SMC2: variants seen among roughly 807,000 people sequenced by gnomAD.
The protein encoded by SMC2 is structural maintenance of chromosomes protein 2.
Under a neutral mutation model 142.6 loss-of-function variants are expected in SMC2, and 41 were observed. The observed-to-expected ratio is 0.29, with a 90% CI of 0.22 to 0.37. The LOEUF is 0.37. SMC2 is among the 10% of genes least tolerant of loss of function. The pLI is 1.00. For missense variants in SMC2, 1,265 were observed against 1,373.7 expected, an observed-to-expected ratio of 0.92 and a Z score of 1.25; for synonymous variants, 463 against 457.5, an observed-to-expected ratio of 1.01 and a Z score of -0.15.
chr9:104,111,517 C>A, intron 9 of SMC2, 64 bp from the exon 10 acceptor site: 4 of 929,628 alleles, frequency 4.3e-6, no homozygotes, highest in South Asian at 1.5e-5. Flanking sequence ...TAAGGGTATG[C>A]GTATAAGAAA....
intron 19 of SMC2, among the ~76,000 whole-genome samples, chr9:104,127,018 A>T (rs1273097045): frequency 1.3e-5 from 2 of 150,184 alleles, no homozygotes; most frequent in Non-Finnish European, 1.5e-5. Flanking sequence ...ATTACATCTA[A>T]CAAAAAACGC....
intron 9 of SMC2, among the ~76,000 whole-genome samples, chr9:104,110,198 C>G (rs1208659830): frequency 6.6e-6 from 1 of 152,110 alleles, no homozygotes; most frequent in Non-Finnish European, 1.5e-5. Flanking sequence ...ACTAGTGATA[C>G]TGAAAATGCT....
intron 10 of SMC2, among the ~76,000 whole-genome samples, chr9:104,113,082 T>G (rs149693907): frequency 1.2e-3 from 183 of 152,294 alleles, no homozygotes; most frequent in African/African-American, 4.0e-3. Context: ...AATACGGACT[T>G]AAATTTCAAA....
Position 104,102,054 on chromosome 9 carries a change from A to G in SMC2, c.731A>G (p.Asp244Gly). 1 of 1,612,340 alleles carries G rather than the reference A, an allele frequency of 6.2e-7. No homozygotes were observed. The highest frequency in any genetic ancestry group is 8.5e-7 in the Non-Finnish European group (1 of 1,178,630). ...GCTTATCAGTTTTTGCTGGCTGAAGATACCAAAGTACGCTCAGCTGAGGAA... is the reference window on the plus strand; with the variant it reads ...GCTTATCAGTTTTTGCTGGCTGAAGGTACCAAAGTACGCTCAGCTGAGGAA... ...YIAYQFLLAE[D>G]TKVRSAEELK... Residue 244 changes from aspartate to glycine, a missense_variant, in exon 8 of 25, where the codon GAT (aspartate) becomes GGT (glycine). This residue lies in a region of SMC2 where 898 missense variants were observed against 904.2 expected (regional missense o/e 0.99). Coordinates refer to ENST00000374793, the MANE Select transcript of SMC2 (RefSeq NM_006444.3).
At chr9:104,111,515 T>C (rs1301802557) in intron 9 of SMC2, 66 bp from the exon 10 acceptor site, 2 of 900,432 alleles carry the variant, frequency 2.2e-6, no homozygotes, top group East Asian at 2.6e-5. Flanking sequence ...CATAAGGGTA[T>C]GCGTATAAGA....
upstream of SMC2, chr9:104,092,598 G>A (rs1830013968): frequency 6.6e-6 from 1 of 152,182 alleles, no homozygotes; most frequent in African/African-American, 2.4e-5. Flanking sequence ...GGCAGACAAA[G>A]ATATCTGTTG....
rs747315426 is a variant in SMC2, at chr9:104,095,515, C to G, written c.131C>G (p.Ser44Cys). The change falls in exon 2 of 25, where the codon TCC (serine) becomes TGC (cysteine). Residue 44 changes from serine (S) to cysteine (C), a missense_variant. By Grantham distance (112) the Ser-to-Cys change is moderately radical. Transcript: ENST00000374793. Reference protein sequence around the residue: ...NGSGKSNILDSICFLLGISNL... With the variant: ...NGSGKSNILDCICFLLGISNL... ...AGTGGGAAATCCAACATATTGGACT[C>G]CATCTGCTTTTTGCTGGGCATCTCC... 6.2e-7 allele frequency: 1 copy of G among 1,614,036 alleles called. No individual in the cohort carries two copies. Among genetic ancestry groups the G allele is most frequent in the South Asian group, 1.1e-5 (1 of 91,082 alleles).
intron 11 of SMC2, 131 bp from the exon 12 acceptor site, chr9:104,113,833 A>C (rs1028618263): frequency 6.7e-6 from 4 of 597,204 alleles, no homozygotes; most frequent in Non-Finnish European, 1.2e-5. Flanking sequence ...AAGGTTCAGC[A>C]TGCTTTTTTA....
chr9:104,122,470 G>GT (rs200031432), intron 16 of SMC2, among the ~76,000 whole-genome samples: 201 of 142,902 alleles, frequency 1.4e-3, no homozygotes, highest in Middle Eastern at 7.5e-3. Flanking sequence ...TATAAGTTTT[G>GT]TTTTTTTTTT....
rs943051102 is a variant in SMC2 at position 104,135,089 on chromosome 9, G to A, written c.3269+514G>A. ...ACTGTTATTTGTTTATCAGAACAAA[G>A]GCCAGTGTTCTTTAAAGAAGGTTAA... On this transcript the variant is annotated intron_variant, in intron 23 of 24. Coordinates refer to ENST00000374793, the MANE Select transcript of SMC2 (RefSeq NM_006444.3). 1.8e-4 allele frequency among the ~76,000 whole-genome samples: 27 copies of A among 152,076 alleles called. 1 individual carries two copies. Among genetic ancestry groups the A allele is most frequent in the Admixed American group, 1.3e-4 (2 of 15,260 alleles).
At position 104,139,247 on chromosome 9, in the gene SMC2, A is replaced by G; in HGVS notation, c.3526A>G (p.Asn1176Asp). ...STVARFTQCQ[N>D]GKISKEAKSK... Reference sequence around the variant, plus strand: ...AGTAGCCAGATTTACTCAATGTCAAAATGGAAAGATTTCAAAGGAAGCAAA... The same window carrying G: ...AGTAGCCAGATTTACTCAATGTCAAGATGGAAAGATTTCAAAGGAAGCAAA... Residue 1176 changes from asparagine to aspartate, a missense_variant, in exon 25 of 25, where the codon AAT (asparagine) becomes GAT (aspartate). Coordinates refer to ENST00000374793, the MANE Select transcript of SMC2 (RefSeq NM_006444.3). 1 of 1,601,804 alleles carries G rather than the reference A, an allele frequency of 6.2e-7. No individual in the cohort carries two copies. The highest frequency in any genetic ancestry group is 8.5e-7 in the Non-Finnish European group (1 of 1,175,936).
chr9:104,088,273 A>T, the SMC2 span, among the ~76,000 whole-genome samples: 1 of 152,038 alleles, frequency 6.6e-6, no homozygotes, highest in Non-Finnish European at 1.5e-5. Context: ...TCTTTTTTAA[A>T]CTATTCTTTT....
At chr9:104,112,885 A>G (rs1832646401) in intron 10 of SMC2, among the ~76,000 whole-genome samples, 1 of 152,104 alleles carries the variant, frequency 6.6e-6, no homozygotes, top group Non-Finnish European at 1.5e-5. Context: ...CTTACGTCTT[A>G]TTGCTCAATT....
At chr9:104,111,894 C>G in intron 10 of SMC2, 80 bp downstream of exon 10, 1 of 1,006,640 alleles carries the variant, frequency 9.9e-7, no homozygotes, top group Non-Finnish European at 1.4e-6. Flanking sequence ...GCAATTGTTA[C>G]ATAATGTTGA....
At position 104,120,178 on chromosome 9, in the gene SMC2, A is replaced by ACT. The variant is rs772924571; in HGVS notation, c.2132+17_2132+18dup. The ACT allele has an allele frequency of 6.4e-7, 1 of 1,564,914 alleles. No individual in the cohort carries two copies. On this transcript the variant is annotated intron_variant, in intron 16 of 24. Transcript: ENST00000374793. ...CTGCTGAAAAGTAAGAACTGCATAT[A>ACT]CTTTTTTTAATTAAAGATTTGCATA...
At chr9:104,134,640 T>TA (rs1416798996) in intron 23 of SMC2, 65 bp downstream of exon 23, 1 of 1,131,638 alleles carries the variant, frequency 8.8e-7, no homozygotes, top group Non-Finnish European at 1.2e-6. Flanking sequence ...CTCCTTACCT[T>TA]AAAACTGTAT....
rs111377416 is a variant in SMC2, at chr9:104,130,980, A to G, written c.2992-1029A>G. On this transcript the variant is annotated intron_variant, in intron 21 of 24. Coordinates refer to ENST00000374793, the MANE Select transcript of SMC2 (RefSeq NM_006444.3). ...ACATGGATTTTCATGAAAAAATAAGATAAAAATGTAGAGAGAAGGTTAGGG... is the reference window on the plus strand; with the variant it reads ...ACATGGATTTTCATGAAAAAATAAGGTAAAAATGTAGAGAGAAGGTTAGGG... 3.1e-3 allele frequency among the ~76,000 whole-genome samples: 474 copies of G among 152,266 alleles called. 1 individual carries two copies. Among genetic ancestry groups the G allele is most frequent in the Admixed American group, 5.3e-3 (81 of 15,280 alleles).
chr9:104,111,360 T>TAACA (rs1249801538), intron 9 of SMC2, among the ~76,000 whole-genome samples: 1 of 152,200 alleles, frequency 6.6e-6, no homozygotes, highest in African/African-American at 2.4e-5. Context: ...ATTTAATTTA[T>TAACA]AACATGGAAT....
At chr9:104,098,173 A>G (rs184380446) in intron 3 of SMC2, among the ~76,000 whole-genome samples, 8 of 152,214 alleles carry the variant, frequency 5.3e-5, no homozygotes, top group Admixed American at 3.3e-4. Flanking sequence ...TAAAGCTAGA[A>G]GTTACCTCGG....
Sources: allele counts gnomAD v4.1 joint callset (sites outside exome capture counted in the v4.1 genomes callset), GRCh38; gene constraint gnomAD v4.1.1; regional missense constraint gnomAD v4.1.1; transcripts MANE v1.5; gene names NCBI Gene and HGNC (gene_info 2026-07-23, HGNC 2026-07-21).